Variants in TKTL1 observed in about 807,000 individuals in gnomAD.
The protein encoded by TKTL1 is transketolase like 1.
TKTL1 carries 1 observed loss-of-function variant against 39.3 expected under a neutral mutation model. The observed-to-expected ratio is 0.03, with a 90% CI of 0.01 to 0.12. The LOEUF (loss-of-function observed/expected upper bound fraction) is 0.12, where lower values mean the gene tolerates loss of function less well. TKTL1 is among the 10% of genes least tolerant of loss of function. The pLI is 1.00. For missense variants in TKTL1, 575 were observed against 509.6 expected (o/e 1.13, Z -1.24); for synonymous variants, 262 against 193.8 (o/e 1.35, Z -2.92).
intron 7 of TKTL1, among the ~76,000 whole-genome samples, chrX:154,318,217 T>C (rs1041359860): frequency 9.0e-6 from 1 of 110,853 alleles, no homozygotes; most frequent in Non-Finnish European, 1.9e-5. Context: ...CCGCCATGCT[T>C]GGCCACATCT....
rs782539446 is a variant in TKTL1, at chrX:154,312,620, G to A, written c.711G>A (p.Pro237=). The A allele has an allele frequency of 1.2e-5, 14 of 1,208,706 alleles. No homozygotes were observed. The highest frequency in any genetic ancestry group is 7.1e-5 in the South Asian group (4 of 56,595). Residue 237 remains proline, a synonymous_variant, in exon 6 of 13, where the codon CCG becomes CCA. Coordinates refer to ENST00000369915, the MANE Select transcript of TKTL1 (RefSeq NM_012253.4). ...AAAGTTGGCATGCAAAGCCAATGCC[G>A]AGAGAAAGAGCAGATGCCATTATCA... ...DAESWHAKPM[P]RERADAIIKL... is the part of the protein sequence containing the mutation.
intron 1 of TKTL1, among the ~76,000 whole-genome samples, chrX:154,302,423 C>G (rs782337157): frequency 9.0e-6 from 1 of 111,243 alleles, no homozygotes; most frequent in Non-Finnish European, 1.9e-5. Flanking sequence ...AATCCAAGAT[C>G]AAGGTGCTAG....
At chrX:154,321,197 A>G (rs1355824072) in intron 8 of TKTL1, among the ~76,000 whole-genome samples, 1 of 109,744 alleles carries the variant, frequency 9.1e-6, no homozygotes, top group Non-Finnish European at 1.9e-5. Context: ...CAGGACTGGC[A>G]GAGTCATGGA....
At chrX:154,313,798 A>G (rs1256574025) in intron 6 of TKTL1, among the ~76,000 whole-genome samples, 2 of 109,639 alleles carry the variant, frequency 1.8e-5, no homozygotes, top group African/African-American at 3.3e-5. Flanking sequence ...TTATCCAGGC[A>G]TGGTGCCATA....
At chrX:154,317,367 G>T (rs1557169567) in intron 7 of TKTL1, among the ~76,000 whole-genome samples, 1 of 111,546 alleles carries the variant, frequency 9.0e-6, no homozygotes, top group African/African-American at 3.3e-5. Context: ...GTGACGAGGG[G>T]TCAGCCGTGT....
chrX:154,300,532 T>A (rs914419001), intron 1 of TKTL1, among the ~76,000 whole-genome samples: 1 of 112,186 alleles, frequency 8.9e-6, no homozygotes, highest in Non-Finnish European at 1.9e-5. Flanking sequence ...TTGTTTTTGC[T>A]GTTTACAGCT....
intron 7 of TKTL1, among the ~76,000 whole-genome samples, chrX:154,319,884 T>C (rs2067434974): frequency 9.0e-6 from 1 of 110,715 alleles, no homozygotes; most frequent in Non-Finnish European, 1.9e-5. Context: ...CGCAGAGAGG[T>C]TTGTATTCTA....
intron 10 of TKTL1, among the ~76,000 whole-genome samples, chrX:154,326,477 C>T (rs1458094385): frequency 8.9e-6 from 1 of 112,600 alleles, no homozygotes; most frequent in African/African-American, 3.2e-5. Context: ...GAAAGAGCAG[C>T]AGGTAACATC....
chrX:154,308,498 T>G (rs1336024280), intron 2 of TKTL1, among the ~76,000 whole-genome samples: 1 of 111,774 alleles, frequency 8.9e-6, no homozygotes, highest in Non-Finnish European at 1.9e-5. Flanking sequence ...TCAGTCAACT[T>G]CAGTTTTAAC....
intron 9 of TKTL1, among the ~76,000 whole-genome samples, chrX:154,324,429 C>T (rs1317122100): frequency 8.9e-6 from 1 of 112,694 alleles, no homozygotes; most frequent in African/African-American, 3.2e-5. Context: ...CATGAGCCAC[C>T]GCACCTGGCC....
intron 1 of TKTL1, among the ~76,000 whole-genome samples, chrX:154,299,585 A>T (rs1457870861): frequency 1.8e-5 from 2 of 111,056 alleles, no homozygotes; most frequent in Admixed American, 1.9e-4. Context: ...ATTGTCCCCA[A>T]TATGTAGTCT....
At chrX:154,328,061 C>T in intron 12 of TKTL1, 103 bp downstream of exon 12, 1 of 1,014,349 alleles carries the variant, frequency 9.9e-7, no homozygotes, top group Non-Finnish European at 1.4e-6. Context: ...CTACCTCTCA[C>T]CCAGCATGGC....
chrX:154,303,568 C>T (rs1419228553), intron 1 of TKTL1, among the ~76,000 whole-genome samples: 3 of 104,388 alleles, frequency 2.9e-5, no homozygotes, highest in African/African-American at 1.1e-4. Flanking sequence ...CCCTCGTCTT[C>T]CTTGGCTTTC....
intron 9 of TKTL1, 130 bp from the exon 10 acceptor site, chrX:154,325,209 C>G (rs1054589002): frequency 2.2e-5 from 14 of 622,858 alleles, no homozygotes; most frequent in Non-Finnish European, 3.6e-5. Flanking sequence ...GATGCTCACC[C>G]CTTTCTCCAA....
rs2067223780 is a variant in TKTL1, at chrX:154,295,997, A to G, written c.134+4A>G. The stretch of plus-strand genomic sequence containing the variant: ...CCACATGCTCCACGAGCTCCGGGTA[A>G]GTTCTCCTCATTGAAGTCTGGGTCA... On this transcript the variant is annotated splice_donor_region_variant and intron_variant, in intron 1 of 12. Coordinates refer to ENST00000369915, the MANE Select transcript of TKTL1 (RefSeq NM_012253.4). 1 of 1,210,364 alleles carries G rather than the reference A, an allele frequency of 8.3e-7. No homozygotes were observed. Among genetic ancestry groups the G allele is most frequent in the Admixed American group, 2.2e-5 (1 of 45,949 alleles).
At chrX:154,300,656 C>T (rs1468967215) in intron 1 of TKTL1, among the ~76,000 whole-genome samples, 1 of 111,380 alleles carries the variant, frequency 9.0e-6, no homozygotes, top group African/African-American at 3.3e-5. Context: ...TTCATCAGAT[C>T]TAAGAGTCTT....
intron 2 of TKTL1, among the ~76,000 whole-genome samples, chrX:154,308,535 A>G (rs1239639662): frequency 1.8e-5 from 2 of 111,897 alleles, no homozygotes; most frequent in African/African-American, 6.5e-5. Flanking sequence ...CTAGATTGAG[A>G]ATGGCTGTGG....
At chrX:154,311,273 A>G (rs920662735) in intron 5 of TKTL1, 35 bp downstream of exon 5, 16 of 1,207,793 alleles carry the variant, frequency 1.3e-5, no homozygotes, top group Non-Finnish European at 1.7e-5. Context: ...CCTGGTTGTT[A>G]AAAGCATCTG....
intron 12 of TKTL1, 81 bp from the exon 13 acceptor site, chrX:154,329,435 G>C (rs1342072258): frequency 9.8e-7 from 1 of 1,017,702 alleles, no homozygotes. Flanking sequence ...GGAAGCTGCA[G>C]ATTCAAAGGC....
Sources: allele counts gnomAD v4.1 joint callset (sites outside exome capture counted in the v4.1 genomes callset), GRCh38; gene constraint gnomAD v4.1.1; transcripts MANE v1.5; gene names NCBI Gene and HGNC (gene_info 2026-07-23, HGNC 2026-07-21).